PAPPA: variants seen among roughly 807,000 people sequenced by gnomAD.
PAPPA encodes pappalysin 1.
In PAPPA, 60 loss-of-function variants were observed where a neutral mutation model predicts 164.0. The observed-to-expected ratio is 0.37, with a 90% CI of 0.30 to 0.45. PAPPA has a LOEUF of 0.45. PAPPA is among the 20% of genes least tolerant of loss of function. The probability of loss-of-function intolerance (pLI) is 1.00; values close to 1 mark genes in which losing one functional copy is unlikely to be tolerated. For missense variants in PAPPA, 1,782 were observed against 2,087.3 expected (o/e 0.85, Z 2.85); for synonymous variants, 875 against 814.1 (o/e 1.07, Z -1.27).
At chr9:116,302,537 A>C (rs1845591635) in intron 9 of PAPPA, among the ~76,000 whole-genome samples, 1 of 152,102 alleles carries the variant, frequency 6.6e-6, no homozygotes, top group Non-Finnish European at 1.5e-5. Flanking sequence ...CGTTTCCTAT[A>C]ACATGGTTAT....
intron 9 of PAPPA, 67 bp from the exon 10 acceptor site, chr9:116,302,690 G>C: frequency 7.4e-7 from 1 of 1,347,998 alleles, no homozygotes; most frequent in Non-Finnish European, 1.0e-6. Flanking sequence ...TGCAGCTGCT[G>C]ATGATTGCTG....
At chr9:116,200,627 T>C (rs1370284777) in intron 2 of PAPPA, among the ~76,000 whole-genome samples, 1 of 152,224 alleles carries the variant, frequency 6.6e-6, no homozygotes, top group African/African-American at 2.4e-5. Context: ...TATCATATTA[T>C]GTTGTGATCT....
At chr9:116,212,715 A>G (rs1402011828) in intron 4 of PAPPA, among the ~76,000 whole-genome samples, 1 of 152,198 alleles carries the variant, frequency 6.6e-6, no homozygotes, top group African/African-American at 2.4e-5. Flanking sequence ...AATGTTTGTT[A>G]GGAAAGGAAG....
intron 21 of PAPPA, among the ~76,000 whole-genome samples, chr9:116,386,435 T>A (rs185487504): frequency 6.6e-6 from 1 of 152,290 alleles, no homozygotes; most frequent in African/African-American, 2.4e-5. Flanking sequence ...TTTCAGACAC[T>A]CTGCGAGACA....
At chr9:116,180,702 A>G (rs2118611841) in intron 1 of PAPPA, among the ~76,000 whole-genome samples, 1 of 152,288 alleles carries the variant, frequency 6.6e-6, no homozygotes, top group Admixed American at 6.5e-5. Context: ...CCAGACAGTG[A>G]TGGCAGAAAG....
chr9:116,334,238 TAAAAA>T lies in PAPPA; in HGVS notation c.3398-605_3398-601del, dbSNP rs397974030. On this transcript the variant is annotated intron_variant, in intron 12 of 21. Transcript: ENST00000328252. ...GAGAATGGGAACCTGCTGGCTGCAT[TAAAAA>T]AAAAAAAAAAAAAAAAACAGGGCTC... Among the ~76,000 whole-genome samples, 4 of 108,994 alleles carry T rather than the reference TAAAAA, an allele frequency of 3.7e-5. No homozygotes were observed. The Admixed American group carries it at 4.0e-4, about 11-fold the overall frequency. The allele number at this position is 108,994 out of a possible 152,430, so 71.5% of individuals were successfully genotyped here.
intron 1 of PAPPA, among the ~76,000 whole-genome samples, chr9:116,159,988 A>G (rs1281235558): frequency 6.6e-6 from 1 of 152,220 alleles, no homozygotes; most frequent in Non-Finnish European, 1.5e-5. Flanking sequence ...ACCTGGAATA[A>G]CCAGCTTTTA....
In PAPPA at chr9:116,153,908, T is replaced by C. The variant is rs1011760394; in HGVS notation, c.-265T>C. The C allele has an allele frequency of 1.1e-4, 25 of 218,864 alleles. No homozygotes were observed. The highest frequency in any genetic ancestry group is 1.8e-3 in the Middle Eastern group (1 of 562). 13.6% of individuals were successfully genotyped at this position (218,864 alleles called of 1,614,324 possible). On this transcript the variant is annotated 5_prime_UTR_variant, in exon 1 of 22. Transcript: ENST00000328252. ...AACAAGGAGGAAGGCAACCAGCTGT[T>C]AGGGGAAAAATAAGGCAGATAAAGG...
chr9:116,280,456 G>T lies in PAPPA; in HGVS notation c.2953+9040G>T, dbSNP rs74362694. Among the ~76,000 whole-genome samples, 48 of 152,298 alleles carry T rather than the reference G, an allele frequency of 3.2e-4. No individual in the cohort carries two copies. The East Asian group carries it at 4.2e-3, about 13-fold the overall frequency. On this transcript the variant is annotated intron_variant, in intron 9 of 21. Coordinates refer to ENST00000328252, the MANE Select transcript of PAPPA (RefSeq NM_002581.5). ...ACAGGTAACTGAGCAAGGATTGCAAGAAGTTAAGACTATTCAATTCCCAAG... is the reference window on the plus strand; with the variant it reads ...ACAGGTAACTGAGCAAGGATTGCAATAAGTTAAGACTATTCAATTCCCAAG...
intron 2 of PAPPA, among the ~76,000 whole-genome samples, chr9:116,196,833 C>G (rs951923569): frequency 6.6e-6 from 1 of 152,136 alleles, no homozygotes. Flanking sequence ...GTCTCCACAT[C>G]GAGCTTCTGA....
At chr9:116,388,631 A>G (rs1019974430) in intron 21 of PAPPA, among the ~76,000 whole-genome samples, 5 of 152,192 alleles carry the variant, frequency 3.3e-5, no homozygotes, top group African/African-American at 1.2e-4. Context: ...TGATATTTGA[A>G]TTAGATTCCT....
At chr9:116,243,791 A>G (rs2118763930) in intron 7 of PAPPA, among the ~76,000 whole-genome samples, 1 of 152,302 alleles carries the variant, frequency 6.6e-6, no homozygotes, top group African/African-American at 2.4e-5. Flanking sequence ...GACATGGCCA[A>G]ACCAGCATGA....
At chr9:116,392,439 A>G (rs986122664) in intron 21 of PAPPA, among the ~76,000 whole-genome samples, 2 of 152,174 alleles carry the variant, frequency 1.3e-5, no homozygotes, top group African/African-American at 4.8e-5. Flanking sequence ...TAATAATGAT[A>G]GTCTCCCAAG....
intron 7 of PAPPA, among the ~76,000 whole-genome samples, chr9:116,249,444 G>A (rs1176193016): frequency 6.6e-6 from 1 of 152,148 alleles, no homozygotes; most frequent in Non-Finnish European, 1.5e-5. Context: ...TGTAAGGTCT[G>A]GACTTCATCC....
intron 9 of PAPPA, among the ~76,000 whole-genome samples, chr9:116,300,525 C>G (rs567266623): frequency 2.0e-5 from 3 of 152,258 alleles, no homozygotes; most frequent in African/African-American, 7.2e-5. Context: ...CCTGCCTTGG[C>G]TCTCCCCAAA....
chr9:116,340,418 T>C (rs1008301846), intron 13 of PAPPA, among the ~76,000 whole-genome samples: 6 of 152,226 alleles, frequency 3.9e-5, no homozygotes, highest in Admixed American at 3.9e-4. Flanking sequence ...TCTATTAGAA[T>C]TCTTTCCAAG....
At chr9:116,242,172 G>T (rs192137922) in intron 7 of PAPPA, among the ~76,000 whole-genome samples, 1 of 152,082 alleles carries the variant, frequency 6.6e-6, no homozygotes, top group African/African-American at 2.4e-5. Flanking sequence ...AGGAGCACGG[G>T]GGGCAGGGGG....
chr9:116,289,784 G>C (rs1461586656), intron 9 of PAPPA, among the ~76,000 whole-genome samples: 2 of 152,188 alleles, frequency 1.3e-5, no homozygotes, highest in Non-Finnish European at 2.9e-5. Flanking sequence ...CTGCTCTCAA[G>C]GAGTTGCCAT....
chr9:116,208,759 C>T (rs1169008328), intron 3 of PAPPA, among the ~76,000 whole-genome samples: 1 of 152,116 alleles, frequency 6.6e-6, no homozygotes, highest in Non-Finnish European at 1.5e-5. Context: ...CTCAATGAAA[C>T]CATAGACTTA....
Sources: allele counts gnomAD v4.1 joint callset (sites outside exome capture counted in the v4.1 genomes callset), GRCh38; gene constraint gnomAD v4.1.1; transcripts MANE v1.5; gene names NCBI Gene and HGNC (gene_info 2026-07-23, HGNC 2026-07-21).